MAP3K13: variants seen among roughly 807,000 people sequenced by gnomAD.
The protein encoded by MAP3K13 is leucine zipper-bearing kinase.
A neutral mutation model predicts 104.0 loss-of-function variants in MAP3K13; 52 were observed. The observed-to-expected ratio is 0.50, with a 90% CI of 0.40 to 0.63. The LOEUF (loss-of-function observed/expected upper bound fraction) is 0.63. MAP3K13 is among the 20% of genes least tolerant of loss of function. The pLI is 0.00. For synonymous variants in MAP3K13, 394 were observed against 442.2 expected (o/e 0.89, Z 1.37); for missense variants, 914 against 1,218.5 (o/e 0.75, Z 3.72).
rs1577622065 is a variant in MAP3K13 at position 185,473,992 on chromosome 3, A to G, written c.2430+231A>G. Among the ~76,000 whole-genome samples, 1 of 152,320 alleles carries G rather than the reference A, an allele frequency of 6.6e-6. No individual in the cohort carries two copies. Among genetic ancestry groups the G allele is most frequent in the Non-Finnish European group, 1.5e-5 (1 of 68,018 alleles). On this transcript the variant is annotated intron_variant, in intron 11 of 13. Transcript: ENST00000265026. This position sits in a 1 kb window ranked among gnomAD's most constrained non-coding sequence, Gnocchi z 4.9. ...ACTACTGAACCAGAGGACTGAGTCA[A>G]GTGTATGTATAATAACTTATTTATA...
At chr3:185,429,723 C>T (rs16860044) in intron 2 of MAP3K13, among the ~76,000 whole-genome samples, 18,022 of 152,142 alleles carry the variant, frequency 0.12, 1,100 homozygotes, top group South Asian at 0.14. Context: ...TAAAACCAGA[C>T]AGAAGCCACA....
chr3:185,301,632 G>C (rs920754131), intron 2 of MAP3K13, among the ~76,000 whole-genome samples: 11 of 152,152 alleles, frequency 7.2e-5, no homozygotes, highest in African/African-American at 1.9e-4. Context: ...GTTCATCTTT[G>C]TAGTCAAATT....
At chr3:185,333,737 A>C (rs1722366961) in intron 2 of MAP3K13, among the ~76,000 whole-genome samples, 1 of 152,114 alleles carries the variant, frequency 6.6e-6, no homozygotes, top group Non-Finnish European at 1.5e-5. Context: ...CCATTTAAAA[A>C]AATTAAAAAT....
At position 185,473,216 on chromosome 3, in the gene MAP3K13, C is replaced by A. The variant is rs766217671; in HGVS notation, c.1885C>A (p.Pro629Thr). The change falls in exon 11 of 14, where the codon CCT (proline) becomes ACT (threonine). Residue 629 changes from proline (P) to threonine (T), a missense_variant. Pro to Thr is a conservative substitution (Grantham distance 38, BLOSUM62 -1). Coordinates refer to ENST00000265026, the MANE Select transcript of MAP3K13 (RefSeq NM_004721.5). The surrounding 1 kb of genome is among the most constrained non-coding windows in gnomAD (Gnocchi z 4.9). The part of the protein sequence containing the change: ...TYLHQAQSQY[P>T]SLHHHNSLQQ... ...CCTGCACCAAGCTCAATCCCAATAC[C>A]CTTCTCTTCATCACCATAATTCTCT... 1 of 1,614,158 alleles carries A rather than the reference C, an allele frequency of 6.2e-7. No homozygotes were observed. Among genetic ancestry groups the A allele is most frequent in the South Asian group, 1.1e-5 (1 of 91,078 alleles).
chr3:185,366,466 T>C (rs1723891851), intron 1 of MAP3K13, among the ~76,000 whole-genome samples: 1 of 152,230 alleles, frequency 6.6e-6, no homozygotes, highest in Non-Finnish European at 1.5e-5. Flanking sequence ...CTTGAATTGC[T>C]GGGTCATTAT....
In MAP3K13 at chr3:185,464,532, C is replaced by A. The variant is rs534999741; in HGVS notation, c.1388+873C>A. ...TTTCCCCTGCTTGCACTCAATCCAT[C>A]CTGCCGCCCTGTGAAGAAGGTGCCT... On this transcript the variant is annotated intron_variant, in intron 8 of 13. Transcript: ENST00000265026. Among the ~76,000 whole-genome samples, 3 of 152,232 alleles carry A rather than the reference C, an allele frequency of 2.0e-5. No homozygotes were observed. In the South Asian group the frequency reaches 6.2e-4, roughly 32 times the overall value.
intron 2 of MAP3K13, among the ~76,000 whole-genome samples, chr3:185,303,977 T>A (rs1721194971): frequency 6.6e-6 from 1 of 152,206 alleles, no homozygotes; most frequent in African/African-American, 2.4e-5. Context: ...TCCCCCTTAG[T>A]ACTACTTTTG....
At chr3:185,434,318 G>T (rs1244556626) in intron 2 of MAP3K13, among the ~76,000 whole-genome samples, 1 of 152,186 alleles carries the variant, frequency 6.6e-6, no homozygotes, top group Non-Finnish European at 1.5e-5. Context: ...AAACAAATGT[G>T]AGCACCGGCA....
intron 1 of MAP3K13, among the ~76,000 whole-genome samples, chr3:185,415,045 C>T (rs1243511028): frequency 6.6e-6 from 1 of 152,206 alleles, no homozygotes; most frequent in Admixed American, 6.5e-5. Context: ...TTCCTCCTTT[C>T]TCACTTGCTT....
chr3:185,359,290 T>A (rs751966294), upstream of MAP3K13, among the ~76,000 whole-genome samples: 3 of 152,116 alleles, frequency 2.0e-5, no homozygotes, highest in Non-Finnish European at 4.4e-5. Context: ...GAGAACAGTA[T>A]GGAGGAACTG....
chr3:185,371,197 C>T (rs1724141943), intron 1 of MAP3K13, among the ~76,000 whole-genome samples: 2 of 151,934 alleles, frequency 1.3e-5, no homozygotes, highest in South Asian at 2.1e-4. Context: ...CAAAAAACTC[C>T]CTTTTCATTT....
intron 11 of MAP3K13, chr3:185,476,374 A>AGC (rs1277694434): frequency 6.7e-6 from 1 of 149,894 alleles, no homozygotes; most frequent in African/African-American, 2.4e-5. Flanking sequence ...AAAAAAAAAA[A>AGC]AAGCATATCA....
intron 9 of MAP3K13, 69 bp from the exon 10 acceptor site, chr3:185,466,757 G>C: frequency 6.5e-7 from 1 of 1,549,374 alleles, no homozygotes; most frequent in East Asian, 2.3e-5. Flanking sequence ...AGAATTAGCC[G>C]GTGAAAATAT....
In MAP3K13 at chr3:185,482,407, C is replaced by G; in HGVS notation, c.2852C>G (p.Ser951Cys). ...TGTGACTCTTCAGATGGGGAGTGTTCTGATGCCACAGTTAGGACCAATAAA... is the reference window on the plus strand; with the variant it reads ...TGTGACTCTTCAGATGGGGAGTGTTGTGATGCCACAGTTAGGACCAATAAA... ...SDCDSSDGEC[S>C]DATVRTNKHY... The change falls in exon 14 of 14, where the codon TCT (serine) becomes TGT (cysteine). Residue 951 changes from serine (S) to cysteine (C), a missense_variant. Ser to Cys is a moderately radical substitution (Grantham distance 112). Coordinates refer to ENST00000265026, the MANE Select transcript of MAP3K13 (RefSeq NM_004721.5). This position sits in a 1 kb window ranked among gnomAD's most constrained non-coding sequence, Gnocchi z 4.5. 1 of 1,614,130 alleles carries G rather than the reference C, an allele frequency of 6.2e-7. No homozygotes were observed. Among genetic ancestry groups the G allele is most frequent in the Non-Finnish European group, 8.5e-7 (1 of 1,179,996 alleles).
chr3:185,440,942 T>C (rs2148891091), intron 3 of MAP3K13, among the ~76,000 whole-genome samples: 1 of 152,294 alleles, frequency 6.6e-6, no homozygotes, highest in African/African-American at 2.4e-5. Context: ...AAAACAGAAG[T>C]AGAGTTACTA....
At position 185,418,417 on chromosome 3, in the gene MAP3K13, C is replaced by T. The variant is rs967886930; in HGVS notation, c.-85-10080C>T. On this transcript the variant is annotated intron_variant, in intron 1 of 13. Transcript: ENST00000265026. The surrounding 1 kb of genome is among the most constrained non-coding windows in gnomAD (Gnocchi z 4.5). The stretch of plus-strand genomic sequence containing the variant: ...AGCCAGGGCAGAACAGATGGCATAT[C>T]GTTTTTGGGTTGTGTTCACTCTACG... The T allele has an allele frequency of 6.8e-6, 11 of 1,608,154 alleles. No homozygotes were observed. The highest frequency in any genetic ancestry group is 9.4e-6 in the Non-Finnish European group (11 of 1,176,460).
intron 10 of MAP3K13, among the ~76,000 whole-genome samples, chr3:185,472,750 G>A (rs889046410): frequency 6.6e-6 from 1 of 152,084 alleles, no homozygotes; most frequent in African/African-American, 2.4e-5. Context: ...CGATAAGTTG[G>A]TATGAGTTTA....
rs997876668 is a variant in MAP3K13, at chr3:185,399,807, A to G, written c.-85-28690A>G. Among the ~76,000 whole-genome samples the G allele has an allele frequency of 5.9e-5, 9 of 151,904 alleles. 1 individual carries two copies. Among genetic ancestry groups the G allele is most frequent in the Admixed American group, 5.9e-4 (9 of 15,254 alleles). ...CCCTCCCTGCCTGATGGCGTATAGG[A>G]AAGGATAAACCCTGGCTCGTTACCT... On this transcript the variant is annotated intron_variant, in intron 1 of 13. Transcript: ENST00000265026.
At chr3:185,314,613 CAAAAA>C (rs764885104) in intron 2 of MAP3K13, among the ~76,000 whole-genome samples, 2 of 151,074 alleles carry the variant, frequency 1.3e-5, no homozygotes, top group Non-Finnish European at 2.9e-5. Flanking sequence ...CTCCACGTCT[CAAAAA>C]AGAAAAGTAA....
Sources: gnomAD v4.1 joint callset for allele counts (sites outside exome capture counted in the v4.1 genomes callset) on GRCh38, gnomAD v4.1.1 for gene constraint, Gnocchi (gnomAD v3.1) non-coding constraint, MANE v1.5 for transcripts, NCBI Gene and HGNC (gene_info 2026-07-23, HGNC 2026-07-21) for gene names.